The following IRAG1 variants were observed in gnomAD, a reference collection of about 807,000 sequenced individuals.
The protein encoded by IRAG1 is IP3R-associated cGMP kinase substrate.
IRAG1 carries 62 observed loss-of-function variants against 106.2 expected under a neutral mutation model. That is an observed-to-expected ratio of 0.58 (90% CI 0.48 to 0.72). The LOEUF (loss-of-function observed/expected upper bound fraction) is 0.72, where lower values mean the gene tolerates loss of function less well. Among genes scored for constraint, IRAG1 ranks in the 30% least tolerant of loss-of-function variants. The pLI, the probability that IRAG1 is intolerant of heterozygous loss-of-function variation, is 0.00. For synonymous variants in IRAG1, 462 were observed against 443.9 expected (o/e 1.04, Z -0.51); for missense variants, 1,064 against 1,140.7 (o/e 0.93, Z 0.97).
chr11:10,613,614 T>C (rs538066446), intron 10 of IRAG1, among the ~76,000 whole-genome samples: 2 of 152,318 alleles, frequency 1.3e-5, no homozygotes, highest in South Asian at 4.1e-4. Flanking sequence ...TAAATAACTG[T>C]GGAAACCATG....
At chr11:10,687,986 GC>G (rs1861789513) in intron 1 of IRAG1, among the ~76,000 whole-genome samples, 1 of 151,770 alleles carries the variant, frequency 6.6e-6, no homozygotes, top group South Asian at 2.1e-4. Context: ...AGAATTTCTG[GC>G]CACTGGCAAG....
intron 1 of IRAG1, among the ~76,000 whole-genome samples, chr11:10,667,632 C>T (rs1328327112): frequency 6.6e-6 from 1 of 152,162 alleles, no homozygotes; most frequent in Non-Finnish European, 1.5e-5. Flanking sequence ...GGGTGGTTCT[C>T]CTATGAAGTA....
intron 14 of IRAG1, among the ~76,000 whole-genome samples, chr11:10,602,563 G>C (rs1018192288): frequency 9.2e-5 from 14 of 152,338 alleles, no homozygotes; most frequent in Middle Eastern, 3.4e-3. Context: ...AGCCAGACCT[G>C]GGCCTGTGCC....
intron 16 of IRAG1, 29 bp from the exon 17 acceptor site, chr11:10,593,628 T>G (rs1355528376): frequency 6.5e-7 from 1 of 1,543,900 alleles, no homozygotes. Context: ...CCAGGCTCAC[T>G]GTCTTGGAGG....
intron 1 of IRAG1, among the ~76,000 whole-genome samples, chr11:10,681,252 AGTGGCC>A (rs1861232830): frequency 6.6e-6 from 1 of 152,230 alleles, no homozygotes; most frequent in Non-Finnish European, 1.5e-5. Flanking sequence ...GTGAGGGCAG[AGTGGCC>A]AGGCTCTAGC....
chr11:10,657,948 C>T lies in IRAG1; in HGVS notation c.68-5766G>A, dbSNP rs948072593. Among the ~76,000 whole-genome samples the T allele has an allele frequency of 2.3e-4, 35 of 152,222 alleles. No homozygotes were observed. The highest frequency in any genetic ancestry group is 8.0e-4 in the African/African-American group (33 of 41,462). On this transcript the variant is annotated intron_variant, in intron 1 of 20. Transcript: ENST00000423302. The surrounding 1 kb of genome is among the most constrained non-coding windows in gnomAD (Gnocchi z 4.1). ...TCCCCAGAGCACCCATGCCCCGAGC[C>T]CGGCTGCATGTGGCAGCTTTCTGAC...
chr11:10,603,913 C>T (rs1438606002), intron 13 of IRAG1, among the ~76,000 whole-genome samples: 2 of 152,204 alleles, frequency 1.3e-5, no homozygotes, highest in Non-Finnish European at 2.9e-5. Flanking sequence ...CTTCCAGCCT[C>T]CAGAACTATG....
At chr11:10,666,129 G>A (rs1859768176) in intron 1 of IRAG1, among the ~76,000 whole-genome samples, 1 of 152,176 alleles carries the variant, frequency 6.6e-6, no homozygotes, top group Admixed American at 6.5e-5. Flanking sequence ...CTCCGCAGGG[G>A]AGTCATTTTT....
intron 3 of IRAG1, among the ~76,000 whole-genome samples, chr11:10,633,145 G>A (rs1203513792): frequency 4.7e-5 from 7 of 149,298 alleles, no homozygotes; most frequent in South Asian, 4.2e-4. Context: ...CGCGATCTGG[G>A]CTCACTGCAA....
rs771235259 is a variant in IRAG1, at chr11:10,627,957, T to A, written c.705+16A>T. The A allele has an allele frequency of 1.9e-6, 3 of 1,598,570 alleles. No individual in the cohort carries two copies. The highest frequency in any genetic ancestry group is 1.7e-6 in the Non-Finnish European group (2 of 1,170,524). ...ATTGGCATAGAAACAGCACAGCAGGTGGGGGGTCCTGTCACCTGTGGTGGT... is the reference window on the plus strand; with the variant it reads ...ATTGGCATAGAAACAGCACAGCAGGAGGGGGGTCCTGTCACCTGTGGTGGT... On this transcript the variant is annotated intron_variant, in intron 7 of 20. Coordinates refer to ENST00000423302, the MANE Select transcript of IRAG1 (RefSeq NM_130385.4).
rs531229881 is a variant in IRAG1 at position 10,585,257 on chromosome 11, C to T, written c.2241-3271G>A. Among the ~76,000 whole-genome samples, 3 of 152,232 alleles carry T rather than the reference C, an allele frequency of 2.0e-5. No homozygotes were observed. The South Asian group carries it at 6.2e-4, about 32-fold the overall frequency. On this transcript the variant is annotated intron_variant, in intron 18 of 20. Transcript: ENST00000423302. ...AGCAGGGCCAGGAAGCCCATTTCAT[C>T]GACTCTTTTACATGCAGATCTTCTG...
At chr11:10,580,721 A>G (rs1591534192) in intron 19 of IRAG1, 132 bp from the exon 20 acceptor site, 1 of 1,099,150 alleles carries the variant, frequency 9.1e-7, no homozygotes, top group Admixed American at 2.8e-5. Flanking sequence ...CAAAACAGGA[A>G]AAAGCTGGGA....
chr11:10,680,483 A>AAGGG lies in IRAG1; in HGVS notation c.67+13049_67+13052dup, dbSNP rs367983008. The stretch of plus-strand genomic sequence containing the variant: ...AAAGAAGGAAGGAAGGAAGGAGAGG[A>AAGGG]AGGGAGGGAGAAAGAGAGAGAAAGG... On this transcript the variant is annotated intron_variant, in intron 1 of 20. Coordinates refer to ENST00000423302, the MANE Select transcript of IRAG1 (RefSeq NM_130385.4). Among the ~76,000 whole-genome samples the AAGGG allele has an allele frequency of 2.1e-3, 290 of 137,058 alleles. 2 individuals are homozygous for AAGGG. The highest frequency in any genetic ancestry group is 5.9e-3 in the African/African-American group (210 of 35,686). 89.9% of individuals were successfully genotyped at this position (137,058 alleles called of 152,430 possible). A position where few individuals can be genotyped will look rare whatever the true frequency, so the allele number is the denominator to read the frequency against.
chr11:10,633,075 CTTT>C lies in IRAG1; in HGVS notation c.329+890_329+892del, dbSNP rs34222717. Among the ~76,000 whole-genome samples the C allele has an allele frequency of 6.9e-3, 864 of 124,832 alleles. 3 individuals are homozygous for C. Among genetic ancestry groups the C allele is most frequent in the African/African-American group, 0.024 (787 of 32,494 alleles). 81.9% of individuals were successfully genotyped at this position (124,832 alleles called of 152,430 possible). On this transcript the variant is annotated intron_variant, in intron 3 of 20. Transcript: ENST00000423302. ...TTTTTCCTTTTCTTTTTCTTTCTTT[CTTT>C]TTTTTTTTTTTTTTGAGACGGAGTC... is the stretch of plus-strand genomic sequence containing the variant.
chr11:10,582,052 T>C, intron 18 of IRAG1, 66 bp from the exon 19 acceptor site: 2 of 1,541,978 alleles, frequency 1.3e-6, no homozygotes, highest in South Asian at 1.2e-5. Context: ...AACAAAACCA[T>C]GTTTTTGGCC....
intron 1 of IRAG1, among the ~76,000 whole-genome samples, chr11:10,666,973 A>G (rs10840465): frequency 0.27 from 41,556 of 151,920 alleles, 6,839 homozygotes; most frequent in East Asian, 0.81. Flanking sequence ...TTCCCAGGGT[A>G]GCCCCCAGGC....
intron 1 of IRAG1, among the ~76,000 whole-genome samples, chr11:10,653,627 T>C (rs556760177): frequency 6.6e-6 from 1 of 152,282 alleles, no homozygotes; most frequent in South Asian, 2.1e-4. Flanking sequence ...ACTGGCTATG[T>C]GGCCTTGGAA....
In IRAG1 at chr11:10,633,284, C is replaced by A. The variant is rs893665609; in HGVS notation, c.329+684G>T. 3.4e-4 allele frequency among the ~76,000 whole-genome samples: 52 copies of A among 152,118 alleles called. 1 individual carries two copies. Among genetic ancestry groups the A allele is most frequent in the Admixed American group, 3.4e-3 (52 of 15,274 alleles). On this transcript the variant is annotated intron_variant, in intron 3 of 20. Coordinates refer to ENST00000423302, the MANE Select transcript of IRAG1 (RefSeq NM_130385.4). Reference sequence around the variant, plus strand: ...TAGAGACGTGGTTTCACTGTGTTAGCCAGGATGGTCTCGATCTCCTGACCT... The same window carrying A: ...TAGAGACGTGGTTTCACTGTGTTAGACAGGATGGTCTCGATCTCCTGACCT...
chr11:10,659,414 A>G lies in IRAG1; in HGVS notation c.68-7232T>C, dbSNP rs954298269. 3.3e-5 allele frequency among the ~76,000 whole-genome samples: 5 copies of G among 152,134 alleles called. No homozygotes were observed. The highest frequency in any genetic ancestry group is 5.9e-5 in the Non-Finnish European group (4 of 68,014). ...GGAGAAAGCCTCGGTGGCAACAGAA[A>G]AGGGAGGATGAGGAAGTGGAAGTCA... On this transcript the variant is annotated intron_variant, in intron 1 of 20. Coordinates refer to ENST00000423302, the MANE Select transcript of IRAG1 (RefSeq NM_130385.4). This position sits in a 1 kb window ranked among gnomAD's most constrained non-coding sequence, Gnocchi z 4.1.
Sources: gnomAD v4.1 joint callset for allele counts (sites outside exome capture counted in the v4.1 genomes callset) on GRCh38, gnomAD v4.1.1 for gene constraint, Gnocchi (gnomAD v3.1) non-coding constraint, MANE v1.5 for transcripts, NCBI Gene and HGNC (gene_info 2026-07-23, HGNC 2026-07-21) for gene names.